The following STRBP variants were observed in gnomAD, a reference collection of about 807,000 sequenced individuals.
STRBP encodes the protein spermatid perinuclear RNA binding protein.
A neutral mutation model predicts 80.1 loss-of-function variants in STRBP; 13 were observed. That is an observed-to-expected ratio of 0.16 (90% CI 0.11 to 0.26). The LOEUF is 0.26. Ranked by LOEUF, STRBP falls within the 10% of genes least tolerant of loss-of-function variation. STRBP has a pLI of 1.00. For missense variants in STRBP, 485 were observed against 815.2 expected (o/e 0.59, Z 4.93); for synonymous variants, 284 against 291.2 (o/e 0.98, Z 0.25).
At position 123,136,418 on chromosome 9, in the gene STRBP, T is replaced by G. The variant is rs2036355530; in HGVS notation, c.1595A>C (p.Glu532Ala). ...RRGLKYELIS[E>A]TGGSHDKRFV... Reference sequence around the variant, plus strand: ...GCGCTTGTCATGGCTTCCACCAGTCTCTGAGATGAGTTCATACTTGAGACC... The same window carrying G: ...GCGCTTGTCATGGCTTCCACCAGTCGCTGAGATGAGTTCATACTTGAGACC... Residue 532 changes from glutamate to alanine, a missense_variant, in exon 15 of 19, where the codon GAG (glutamate) becomes GCG (alanine). Glu to Ala is a moderately radical substitution (Grantham distance 107, BLOSUM62 -1). Transcript: ENST00000348403. The surrounding 1 kb of genome is among the most constrained non-coding windows in gnomAD (Gnocchi z 4.2). 2 of 1,614,122 alleles carry G rather than the reference T, an allele frequency of 1.2e-6. No homozygotes were observed. Among genetic ancestry groups the G allele is most frequent in the African/African-American group, 1.3e-5 (1 of 75,034 alleles).
intron 6 of STRBP, among the ~76,000 whole-genome samples, chr9:123,169,621 A>C (rs111812215): frequency 2.6e-5 from 4 of 152,226 alleles, no homozygotes; most frequent in Non-Finnish European, 4.4e-5. Flanking sequence ...AAAGTAAAAC[A>C]GAACAGCAAA....
In STRBP at chr9:123,187,287, T is replaced by C. The variant is rs958056722; in HGVS notation, c.-164-2989A>G. Reference sequence around the variant, plus strand: ...GCTATTTAAAAAAAAAAAAAAAAAGTCTATGTGACCATAGAACACACAGGC... The same window carrying C: ...GCTATTTAAAAAAAAAAAAAAAAAGCCTATGTGACCATAGAACACACAGGC... On this transcript the variant is annotated intron_variant, in intron 2 of 18. Coordinates refer to ENST00000348403, the MANE Select transcript of STRBP (RefSeq NM_018387.5). 3.4e-5 allele frequency among the ~76,000 whole-genome samples: 5 copies of C among 146,854 alleles called. No individual in the cohort carries two copies. The Admixed American group carries it at 3.4e-4, about 10-fold the overall frequency.
Position 123,132,858 on chromosome 9 carries a change from G to C in STRBP, c.1884C>G (p.Gly628=). ...GAFVGATAAP[G]YIAPGYGTPY... ...TTTGTACTATACCTGGAGCTATGTA[G>C]CCAGGAGCAGCTGTCGCCCCAACAA... The change falls in exon 17 of 19, where the codon GGC becomes GGG. Residue 628 remains glycine, a synonymous_variant. Coordinates refer to ENST00000348403, the MANE Select transcript of STRBP (RefSeq NM_018387.5). 1 of 1,614,088 alleles carries C rather than the reference G, an allele frequency of 6.2e-7. No individual in the cohort carries two copies. Among genetic ancestry groups the C allele is most frequent in the Non-Finnish European group, 8.5e-7 (1 of 1,179,972 alleles).
At position 123,115,914 on chromosome 9, in the gene STRBP, A is replaced by G; in HGVS notation, c.*84+15T>C. 1 of 426,076 alleles carries G rather than the reference A, an allele frequency of 2.3e-6. No individual in the cohort carries two copies. The highest frequency in any genetic ancestry group is 4.7e-6 in the Non-Finnish European group (1 of 215,044). 26.4% of individuals were successfully genotyped at this position (426,076 alleles called of 1,614,324 possible). On this transcript the variant is annotated intron_variant and NMD_transcript_variant, in intron 3 of 3. Transcript: ENST00000471564. This position sits in a 1 kb window ranked among gnomAD's most constrained non-coding sequence, Gnocchi z 5.0. ...GAACCACATACAACAAATAAATATA[A>G]TCCCTTAAAAATACCTGGCAGGAGT... is the stretch of plus-strand genomic sequence containing the variant.
intron 5 of STRBP, among the ~76,000 whole-genome samples, chr9:123,170,564 C>T (rs1408786936): frequency 1.3e-5 from 2 of 152,120 alleles, no homozygotes; most frequent in Admixed American, 6.6e-5. Context: ...CAGTCACTGA[C>T]CAGGAGGAAA....
At position 123,147,759 on chromosome 9, in the gene STRBP, G is replaced by C. The variant is rs762878401; in HGVS notation, c.1138+19C>G. 1.9e-6 allele frequency: 3 copies of C among 1,561,762 alleles called. No homozygotes were observed. Among genetic ancestry groups the C allele is most frequent in the Non-Finnish European group, 2.6e-6 (3 of 1,148,198 alleles). ...AGTCCTCTCTAGTTTGCATCTATAAGAATAAAGGTTTTACACACTTTTCCT... is the reference window on the plus strand; with the variant it reads ...AGTCCTCTCTAGTTTGCATCTATAACAATAAAGGTTTTACACACTTTTCCT... On this transcript the variant is annotated intron_variant, in intron 12 of 18. Transcript: ENST00000348403.
Position 123,115,759 on chromosome 9 carries a change from T to C in STRBP, c.*84+170A>G, listed in dbSNP as rs2035634870. The C allele has an allele frequency of 5.9e-6, 2 of 337,286 alleles. No homozygotes were observed. The highest frequency in any genetic ancestry group is 1.2e-5 in the Non-Finnish European group (2 of 171,392). 20.9% of individuals were successfully genotyped at this position (337,286 alleles called of 1,614,324 possible). A position where few individuals can be genotyped will look rare whatever the true frequency, so the allele number is the denominator to read the frequency against. ...CCGTCCACACAACCGGCTTCTTGCTTGAACATGCTGGTTACAGGGAGCTCA... is the reference window on the plus strand; with the variant it reads ...CCGTCCACACAACCGGCTTCTTGCTCGAACATGCTGGTTACAGGGAGCTCA... On this transcript the variant is annotated intron_variant and NMD_transcript_variant, in intron 3 of 3. Coordinates refer to the STRBP transcript ENST00000471564. The surrounding 1 kb of genome is among the most constrained non-coding windows in gnomAD (Gnocchi z 5.0).
intron 2 of STRBP, among the ~76,000 whole-genome samples, chr9:123,200,438 T>C (rs1438356726): frequency 2.0e-5 from 3 of 152,156 alleles, no homozygotes; most frequent in Non-Finnish European, 4.4e-5. Flanking sequence ...CACAGAATGA[T>C]CTAGGGAGGA....
chr9:123,235,584 C>CAAAAAAAAAAA (rs71390421), intron 2 of STRBP, among the ~76,000 whole-genome samples: 1 of 36,530 alleles, frequency 2.7e-5, no homozygotes, highest in East Asian at 6.7e-4. Flanking sequence ...ACAAGTTCAG[C>CAAAAAAAAAAA]AAAAAAAAAA....
intron 1 of STRBP, among the ~76,000 whole-genome samples, chr9:123,261,706 T>G (rs1371084686): frequency 6.6e-6 from 1 of 152,240 alleles, no homozygotes; most frequent in African/African-American, 2.4e-5. Context: ...TATAAGCTCA[T>G]TCACAGCTTA....
intron 11 of STRBP, 45 bp from the exon 12 acceptor site, chr9:123,147,915 C>T: frequency 2.7e-6 from 4 of 1,508,850 alleles, no homozygotes; most frequent in Non-Finnish European, 3.6e-6. Flanking sequence ...AAACAACAAT[C>T]CCCTTACCGT....
At chr9:123,143,362 T>C (rs1387075615) in intron 13 of STRBP, among the ~76,000 whole-genome samples, 2 of 152,276 alleles carry the variant, frequency 1.3e-5, no homozygotes, top group African/African-American at 2.4e-5. Flanking sequence ...TTTAGGGTGC[T>C]TGCTGCTCTG....
At chr9:123,161,744 C>T (rs2037531293) in intron 6 of STRBP, among the ~76,000 whole-genome samples, 2 of 152,060 alleles carry the variant, frequency 1.3e-5, no homozygotes. Flanking sequence ...AAATAAAAAG[C>T]AACAAAGAAC....
chr9:123,262,183 T>C (rs537884656), intron 1 of STRBP, among the ~76,000 whole-genome samples: 5 of 152,324 alleles, frequency 3.3e-5, no homozygotes, highest in African/African-American at 1.2e-4. Flanking sequence ...TAAGAAATCT[T>C]AGGTCTGGTA....
chr9:123,170,629 C>T (rs1395721700), intron 5 of STRBP, among the ~76,000 whole-genome samples: 1 of 152,292 alleles, frequency 6.6e-6, no homozygotes, highest in Admixed American at 6.5e-5. Flanking sequence ...TCTCAGAGAT[C>T]TTCCAATGGG....
At position 123,158,093 on chromosome 9, in the gene STRBP, T is replaced by G; in HGVS notation, c.964A>C (p.Ile322Leu). ...HALRLSAFGQIYKVLEMDPLP... is the reference protein window; with the variant it reads ...HALRLSAFGQLYKVLEMDPLP... ...GGGTCCATCTCCAGCACTTTGTAAA[T>G]CTGGCCAAAGGCTGATAGTCTGAGT... The change falls in exon 11 of 19, where the codon ATT (isoleucine) becomes CTT (leucine). Residue 322 changes from isoleucine to leucine, a missense_variant. Coordinates refer to ENST00000348403, the MANE Select transcript of STRBP (RefSeq NM_018387.5). 1 of 1,609,846 alleles carries G rather than the reference T, an allele frequency of 6.2e-7. No individual in the cohort carries two copies. Among genetic ancestry groups the G allele is most frequent in the Non-Finnish European group, 8.5e-7 (1 of 1,178,632 alleles).
intron 1 of STRBP, among the ~76,000 whole-genome samples, chr9:123,248,978 G>A (rs918704356): frequency 2.0e-5 from 3 of 152,170 alleles, no homozygotes; most frequent in Non-Finnish European, 2.9e-5. Flanking sequence ...TGACCTATTC[G>A]CTGCATTTCA....
chr9:123,238,707 TACCC>T lies in STRBP; in HGVS notation c.-301-1745_-301-1742del, dbSNP rs1267658356. Among the ~76,000 whole-genome samples the T allele has an allele frequency of 3.9e-5, 6 of 152,310 alleles. No homozygotes were observed. The South Asian group carries it at 1.0e-3, about 26-fold the overall frequency. On this transcript the variant is annotated intron_variant, in intron 1 of 18. Transcript: ENST00000348403. The stretch of plus-strand genomic sequence containing the variant: ...ATAAGCTAAAGATGAGAAGGGAGAC[TACCC>T]AAGGAAATTTCAGAAATTTGCCCTG...
chr9:123,158,711 C>T (rs2037397971), intron 9 of STRBP, among the ~76,000 whole-genome samples: 1 of 152,034 alleles, frequency 6.6e-6, no homozygotes, highest in Admixed American at 6.6e-5. Context: ...TGAATCAGCC[C>T]AAATCTTAAA....
Sources: allele counts gnomAD v4.1 joint callset (sites outside exome capture counted in the v4.1 genomes callset), GRCh38; gene constraint gnomAD v4.1.1; non-coding constraint Gnocchi (gnomAD v3.1); transcripts MANE v1.5; gene names NCBI Gene and HGNC (gene_info 2026-07-23, HGNC 2026-07-21).